The following NTN1 variants were observed in gnomAD, a reference collection of about 807,000 sequenced individuals.
The protein encoded by NTN1 is netrin-1.
In NTN1, 11 loss-of-function variants were observed where a neutral mutation model predicts 54.2. The ratio of observed to expected loss-of-function variants is 0.20; its 90% CI spans 0.13 to 0.34. The LOEUF is 0.34. Among genes scored for constraint, NTN1 ranks in the 10% least tolerant of loss-of-function variants. NTN1 has a pLI of 1.00. For synonymous variants in NTN1, 371 were observed against 382.0 expected (o/e 0.97, Z 0.33); for missense variants, 740 against 893.1 (o/e 0.83, Z 2.18).
intron 5 of NTN1, among the ~76,000 whole-genome samples, chr17:9,207,490 A>G (rs1360311326): frequency 6.6e-6 from 1 of 152,096 alleles, no homozygotes; most frequent in Non-Finnish European, 1.5e-5. Context: ...ACAAACGCTC[A>G]CCCCCGCTTA....
intron 6 of NTN1, among the ~76,000 whole-genome samples, chr17:9,228,916 G>GTGTGTGTACACAC (rs1236555767): frequency 5.4e-5 from 7 of 129,436 alleles, no homozygotes; most frequent in Admixed American, 2.5e-4. Flanking sequence ...GACTGTGTGT[G>GTGTGTGTACACAC]ACTGCGTGTG....
At chr17:9,047,564 GT>G (rs61695878) in intron 2 of NTN1, among the ~76,000 whole-genome samples, 27,329 of 152,004 alleles carry the variant, frequency 0.18, 2,717 homozygotes, top group Admixed American at 0.26. Flanking sequence ...TTCTTTTGCT[GT>G]TTTTACCACA....
intron 2 of NTN1, among the ~76,000 whole-genome samples, chr17:9,083,257 C>T (rs1198969503): frequency 6.6e-6 from 1 of 152,200 alleles, no homozygotes; most frequent in African/African-American, 2.4e-5. Context: ...CGCCACCACA[C>T]CTGGCTAATT....
intron 5 of NTN1, among the ~76,000 whole-genome samples, chr17:9,193,552 C>T (rs966048432): frequency 2.0e-5 from 3 of 152,198 alleles, no homozygotes; most frequent in African/African-American, 7.2e-5. Context: ...TCATTTGATA[C>T]ATAGTCCATA....
At chr17:9,056,236 T>TA in intron 2 of NTN1, among the ~76,000 whole-genome samples, 1 of 152,318 alleles carries the variant, frequency 6.6e-6, no homozygotes, top group East Asian at 1.9e-4. Context: ...TTTGTATTTT[T>TA]AGTAGGGACG....
chr17:9,239,512 C>T lies in NTN1; in HGVS notation c.1487-128C>T. 1 of 854,476 alleles carries T rather than the reference C, an allele frequency of 1.2e-6. No homozygotes were observed. The highest frequency in any genetic ancestry group is 1.8e-6 in the Non-Finnish European group (1 of 556,422). The allele number at this position is 854,476 out of a possible 1,614,324, so 52.9% of individuals were successfully genotyped here. On this transcript the variant is annotated intron_variant, in intron 6 of 6. Transcript: ENST00000173229. The surrounding 1 kb of genome is among the most constrained non-coding windows in gnomAD (Gnocchi z 5.2). ...ATCAGCTTGCCACCACCCACGCGCT[C>T]CTGTATGGGCCACTCTGTGCAGTCA...
intron 2 of NTN1, among the ~76,000 whole-genome samples, chr17:9,121,452 G>A (rs1290611706): frequency 2.0e-5 from 3 of 152,032 alleles, no homozygotes; most frequent in Non-Finnish European, 4.4e-5. Context: ...CTTCCCCGGT[G>A]ATTTTTCCCA....
chr17:9,170,470 C>G (rs2142306509), intron 3 of NTN1, among the ~76,000 whole-genome samples: 1 of 152,334 alleles, frequency 6.6e-6, no homozygotes, highest in Non-Finnish European at 1.5e-5. Context: ...GCTTGAAGGG[C>G]TCAGCCCCAG....
At chr17:9,150,497 G>A (rs2092324236) in intron 2 of NTN1, among the ~76,000 whole-genome samples, 1 of 152,250 alleles carries the variant, frequency 6.6e-6, no homozygotes, top group South Asian at 2.1e-4. Flanking sequence ...CCCTCTGCCT[G>A]GGGCAGAGGC....
At position 9,219,380 on chromosome 17, in the gene NTN1, G is replaced by T. The variant is rs1905281454; in HGVS notation, c.1412-1788G>T. Among the ~76,000 whole-genome samples the T allele has an allele frequency of 6.6e-6, 1 of 152,208 alleles. No homozygotes were observed. Among genetic ancestry groups the T allele is most frequent in the Admixed American group, 6.5e-5 (1 of 15,282 alleles). On this transcript the variant is annotated intron_variant, in intron 5 of 6. Transcript: ENST00000173229. This position sits in a 1 kb window ranked among gnomAD's most constrained non-coding sequence, Gnocchi z 4.5. ...GGGGACTGTGGCCACCAGTGCCATG[G>T]AGCAGGGGTGTCATGAAGGGGCTCC...
Position 9,228,450 on chromosome 17 carries a change from C to T in NTN1, c.1486+7208C>T, listed in dbSNP as rs1905674712. Among the ~76,000 whole-genome samples, 3 of 152,182 alleles carry T rather than the reference C, an allele frequency of 2.0e-5. No homozygotes were observed. In the South Asian group the frequency reaches 6.2e-4, roughly 32 times the overall value. ...GCCGAAGCCACTCTGACCCCTCCAG[C>T]TCACGTGGACACGCGGGGGCTCCCA... On this transcript the variant is annotated intron_variant, in intron 6 of 6. Transcript: ENST00000173229.
At chr17:9,104,088 C>CAAAAAAAA (rs55732200) in intron 2 of NTN1, among the ~76,000 whole-genome samples, 25 of 70,792 alleles carry the variant, frequency 3.5e-4, no homozygotes, top group Middle Eastern at 0.024. Flanking sequence ...GACTCCATCT[C>CAAAAAAAA]AAAAAAAAAA....
At chr17:9,224,854 T>G (rs1905481922) in intron 6 of NTN1, among the ~76,000 whole-genome samples, 1 of 152,166 alleles carries the variant, frequency 6.6e-6, no homozygotes, top group African/African-American at 2.4e-5. Context: ...GCTGGGGCTC[T>G]GGCACCACTA....
intron 2 of NTN1, among the ~76,000 whole-genome samples, chr17:9,157,053 C>G (rs72811953): frequency 0.051 from 7,613 of 150,564 alleles, 252 homozygotes; most frequent in Middle Eastern, 0.076. Context: ...TTTCATCCTT[C>G]CATTCATTCA....
Position 9,210,435 on chromosome 17 carries a change from C to CA in NTN1, c.1412-10733_1412-10732insA, listed in dbSNP as rs1491090469. On this transcript the variant is annotated intron_variant, in intron 5 of 6. Transcript: ENST00000173229. The stretch of plus-strand genomic sequence containing the variant: ...ACATGTGCGTGCACACACACACACA[C>CA]CCCCACACCCACACACACACACACA... Among the ~76,000 whole-genome samples the CA allele has an allele frequency of 6.4e-4, 50 of 78,188 alleles. 1 individual carries two copies. The South Asian group carries it at 9.4e-3, about 15-fold the overall frequency. 51.3% of individuals were successfully genotyped at this position (78,188 alleles called of 152,430 possible).
chr17:9,143,761 T>C (rs1415586078), intron 2 of NTN1, among the ~76,000 whole-genome samples: 1 of 152,182 alleles, frequency 6.6e-6, no homozygotes, highest in East Asian at 1.9e-4. Flanking sequence ...GAACAGTCTG[T>C]CTTAACTGGG....
At chr17:9,072,409 CT>C (rs1351904510) in intron 2 of NTN1, among the ~76,000 whole-genome samples, 2 of 152,196 alleles carry the variant, frequency 1.3e-5, no homozygotes, top group African/African-American at 2.4e-5. Context: ...ACTTCTACCC[CT>C]ACCCCCCAAC....
intron 2 of NTN1, among the ~76,000 whole-genome samples, chr17:9,150,542 C>T (rs138623768): frequency 1.3e-5 from 2 of 152,304 alleles, no homozygotes; most frequent in East Asian, 1.9e-4. Flanking sequence ...ATCTGAGGAA[C>T]GCAGCAGACA....
rs1174532995 is a variant in NTN1 at position 9,242,811 on chromosome 17, T to G, written c.*2843T>G. On this transcript the variant is annotated 3_prime_UTR_variant, in exon 7 of 7. Coordinates refer to ENST00000173229, the MANE Select transcript of NTN1 (RefSeq NM_004822.3). ...CACTCCCGACTGCAGCCCCGGCCTC[T>G]GCGGTGAGCACCATCCTTGGGAAAG... 1 of 152,536 alleles carries G rather than the reference T, an allele frequency of 6.6e-6. No individual in the cohort carries two copies. Among genetic ancestry groups the G allele is most frequent in the Non-Finnish European group, 1.5e-5 (1 of 68,242 alleles). The allele number at this position is 152,536 out of a possible 1,614,324, so 9.4% of individuals were successfully genotyped here.
Sources: allele counts gnomAD v4.1 joint callset (sites outside exome capture counted in the v4.1 genomes callset), GRCh38; gene constraint gnomAD v4.1.1; non-coding constraint Gnocchi (gnomAD v3.1); transcripts MANE v1.5; gene names NCBI Gene and HGNC (gene_info 2026-07-23, HGNC 2026-07-21).